The following PLCB4 variants were observed in gnomAD, a reference collection of about 807,000 sequenced individuals.
The protein encoded by PLCB4 is phospholipase C beta 4, also known as 1-phosphatidylinositol 4,5-bisphosphate phosphodiesterase beta-4.
PLCB4 carries 77 observed loss-of-function variants against 178.8 expected under a neutral mutation model. That is an observed-to-expected ratio of 0.43 (90% CI 0.36 to 0.52). The LOEUF is 0.52. Ranked by LOEUF, PLCB4 falls within the 20% of genes least tolerant of loss-of-function variation. The pLI is 0.00. For missense variants in PLCB4, 1,024 were observed against 1,453.4 expected (o/e 0.70, Z 4.80); for synonymous variants, 496 against 490.8 (o/e 1.01, Z -0.14).
At chr20:9,132,590 A>G (rs2092297057) in intron 2 of PLCB4, among the ~76,000 whole-genome samples, 1 of 152,188 alleles carries the variant, frequency 6.6e-6, no homozygotes, top group Non-Finnish European at 1.5e-5. Flanking sequence ...AAATTAGTAA[A>G]TTAGATCCAG....
intron 4 of PLCB4, among the ~76,000 whole-genome samples, chr20:9,336,481 C>G (rs1002683623): frequency 6.6e-6 from 1 of 152,038 alleles, no homozygotes; most frequent in Admixed American, 6.6e-5. Context: ...CGTGTGTGTT[C>G]GAATCTTCTA....
intron 12 of PLCB4, among the ~76,000 whole-genome samples, chr20:9,376,557 G>C (rs761837731): frequency 2.0e-5 from 3 of 152,140 alleles, no homozygotes; most frequent in Non-Finnish European, 4.4e-5. Flanking sequence ...AGGGATAGCA[G>C]AGGCACTTAA....
At chr20:9,320,756 C>T (rs1334622011) in intron 4 of PLCB4, among the ~76,000 whole-genome samples, 5 of 152,294 alleles carry the variant, frequency 3.3e-5, no homozygotes, top group African/African-American at 9.6e-5. Flanking sequence ...AGAAAAATGG[C>T]CTGCCAGCTA....
rs571539010 is a variant in PLCB4, at chr20:9,347,554, C to T, written c.369+8517C>T. On this transcript the variant is annotated intron_variant, in intron 7 of 39. Coordinates refer to ENST00000378473, the MANE Select transcript of PLCB4 (RefSeq NM_001377142.1). ...TTATTTCTTCATTCAGCTATTCATCCAGGAATATTTTTTTGATGAAACCTG... is the reference window on the plus strand; with the variant it reads ...TTATTTCTTCATTCAGCTATTCATCTAGGAATATTTTTTTGATGAAACCTG... Among the ~76,000 whole-genome samples the T allele has an allele frequency of 5.9e-5, 9 of 152,236 alleles. No homozygotes were observed. The South Asian group carries it at 1.9e-3, about 32-fold the overall frequency.
intron 2 of PLCB4, among the ~76,000 whole-genome samples, chr20:9,098,914 G>GACGTATATATATATATGTATGTATATAT (rs1368213338): frequency 6.7e-6 from 1 of 150,054 alleles, no homozygotes; most frequent in African/African-American, 2.4e-5. Context: ...ACTGTCTGGC[G>GACGTATATATATATATGTATGTATATAT]ACGTATATAT....
intron 3 of PLCB4, among the ~76,000 whole-genome samples, chr20:9,239,484 A>G (rs1601376929): frequency 6.6e-6 from 1 of 152,206 alleles, no homozygotes; most frequent in South Asian, 2.1e-4. Context: ...AATTTATTTA[A>G]CCAAACCTTT....
At chr20:9,419,139 G>A in intron 25 of PLCB4, among the ~76,000 whole-genome samples, 1 of 151,768 alleles carries the variant, frequency 6.6e-6, no homozygotes, top group East Asian at 1.9e-4. Flanking sequence ...TTTCCAATCT[G>A]GATGCCTTTT....
intron 3 of PLCB4, among the ~76,000 whole-genome samples, chr20:9,274,141 C>T (rs1036148050): frequency 1.3e-5 from 2 of 152,046 alleles, no homozygotes; most frequent in Admixed American, 1.3e-4. Context: ...TTCCACAGTT[C>T]TTGCTCCAGG....
chr20:9,448,620 CTTT>C (rs11379188), intron 32 of PLCB4, among the ~76,000 whole-genome samples: 349 of 144,530 alleles, frequency 2.4e-3, no homozygotes, highest in African/African-American at 7.9e-3. Flanking sequence ...TATGCACAGA[CTTT>C]TTTTTTTTTT....
intron 22 of PLCB4, among the ~76,000 whole-genome samples, chr20:9,408,264 G>A (rs1038872644): frequency 3.3e-5 from 5 of 152,148 alleles, no homozygotes; most frequent in Non-Finnish European, 5.9e-5. Context: ...ACAAGGTGGC[G>A]ATGAGAGACT....
chr20:9,314,380 T>C (rs1384525020), intron 4 of PLCB4, among the ~76,000 whole-genome samples: 3 of 152,078 alleles, frequency 2.0e-5, no homozygotes, highest in East Asian at 1.9e-4. Flanking sequence ...GTCACACATA[T>C]GGAGAAATAC....
At chr20:9,393,792 G>A in intron 18 of PLCB4, 114 bp downstream of exon 18, 1 of 638,256 alleles carries the variant, frequency 1.6e-6, no homozygotes, top group Non-Finnish European at 2.7e-6. Context: ...AGGGTGTAGG[G>A]GTGATGTTAC....
At chr20:9,129,603 C>T (rs1450457663) in intron 2 of PLCB4, among the ~76,000 whole-genome samples, 1 of 152,128 alleles carries the variant, frequency 6.6e-6, no homozygotes, top group East Asian at 1.9e-4. Flanking sequence ...TATTTACACC[C>T]AGGGATACTC....
chr20:9,202,502 T>C (rs1207468726), intron 2 of PLCB4, among the ~76,000 whole-genome samples: 1 of 152,202 alleles, frequency 6.6e-6, no homozygotes, highest in Non-Finnish European at 1.5e-5. Flanking sequence ...TTATTTTACT[T>C]TAGTTGCCGT....
intron 2 of PLCB4, among the ~76,000 whole-genome samples, chr20:9,131,657 C>T (rs776552526): frequency 1.3e-5 from 2 of 152,172 alleles, no homozygotes; most frequent in South Asian, 4.1e-4. Flanking sequence ...GCAAAAGAAT[C>T]TGGTTTACAA....
intron 3 of PLCB4, among the ~76,000 whole-genome samples, chr20:9,224,750 A>G (rs1007201187): frequency 6.6e-6 from 1 of 152,302 alleles, no homozygotes; most frequent in Non-Finnish European, 1.5e-5. Context: ...CAAGGTGATT[A>G]GAAGGAAAGG....
At chr20:9,349,887 G>A (rs953093030) in intron 7 of PLCB4, among the ~76,000 whole-genome samples, 3 of 152,140 alleles carry the variant, frequency 2.0e-5, no homozygotes, top group African/African-American at 7.2e-5. Flanking sequence ...AATGTATGCT[G>A]ACATGGGCCT....
intron 3 of PLCB4, among the ~76,000 whole-genome samples, chr20:9,253,929 C>A (rs1262818326): frequency 6.6e-6 from 1 of 152,202 alleles, no homozygotes; most frequent in African/African-American, 2.4e-5. Flanking sequence ...TGTTAGGAAT[C>A]TTCAACTGAG....
intron 2 of PLCB4, among the ~76,000 whole-genome samples, chr20:9,173,624 C>T (rs560463973): frequency 8.5e-5 from 13 of 152,228 alleles, no homozygotes; most frequent in South Asian, 4.2e-4. Context: ...GTGCACATCC[C>T]GTGACTATGG....
Sources: gnomAD v4.1 joint callset for allele counts (sites outside exome capture counted in the v4.1 genomes callset) on GRCh38, gnomAD v4.1.1 for gene constraint, MANE v1.5 for transcripts, NCBI Gene and HGNC (gene_info 2026-07-23, HGNC 2026-07-21) for gene names.